Variants in FAF1 observed in about 807,000 individuals in gnomAD.
The protein encoded by FAF1 is FAS-associated factor 1.
FAF1 carries 25 observed loss-of-function variants against 92.5 expected under a neutral mutation model. The observed-to-expected ratio is 0.27, with a 90% CI of 0.20 to 0.38. The LOEUF (loss-of-function observed/expected upper bound fraction) is 0.38. Among genes scored for constraint, FAF1 ranks in the 10% least tolerant of loss-of-function variants. The pLI, the probability that FAF1 is intolerant of heterozygous loss-of-function variation, is 1.00. For missense variants in FAF1, 636 were observed against 793.3 expected (o/e 0.80, Z 2.38); for synonymous variants, 234 against 273.2 (o/e 0.86, Z 1.42).
chr1:50,876,395 T>G (rs1210870469), intron 1 of FAF1, among the ~76,000 whole-genome samples: 1 of 152,172 alleles, frequency 6.6e-6, no homozygotes, highest in Non-Finnish European at 1.5e-5. Context: ...ATTCTAGGAC[T>G]GATATTAGGA....
chr1:50,627,401 T>A (rs1310576970), intron 8 of FAF1, among the ~76,000 whole-genome samples: 1 of 152,132 alleles, frequency 6.6e-6, no homozygotes, highest in African/African-American at 2.4e-5. Flanking sequence ...GAAAGTATTT[T>A]AAATAGCCCA....
chr1:50,756,717 T>A (rs1350049653), intron 4 of FAF1, among the ~76,000 whole-genome samples: 2 of 152,178 alleles, frequency 1.3e-5, no homozygotes, highest in African/African-American at 4.8e-5. Context: ...GGCCTCACAA[T>A]CATGCTGGAA....
At chr1:50,936,527 G>A (rs529196034) in intron 1 of FAF1, among the ~76,000 whole-genome samples, 15 of 152,270 alleles carry the variant, frequency 9.9e-5, no homozygotes, top group Admixed American at 2.0e-4. Context: ...AAGCATCAAA[G>A]TATTACTACA....
intron 18 of FAF1, among the ~76,000 whole-genome samples, chr1:50,459,064 C>T (rs927388394): frequency 2.6e-5 from 4 of 151,956 alleles, no homozygotes; most frequent in Non-Finnish European, 5.9e-5. Flanking sequence ...CTCAACCTTC[C>T]AGGCTCAAGT....
chr1:50,865,325 A>G (rs1398053782), intron 1 of FAF1, among the ~76,000 whole-genome samples: 1 of 151,674 alleles, frequency 6.6e-6, no homozygotes. Flanking sequence ...TGACCCAGCC[A>G]TCCCATTACT....
At chr1:50,731,046 A>G (rs1658893982) in intron 6 of FAF1, among the ~76,000 whole-genome samples, 1 of 152,216 alleles carries the variant, frequency 6.6e-6, no homozygotes, top group African/African-American at 2.4e-5. Flanking sequence ...TCCCAGAGAT[A>G]CTGGAGAGAA....
chr1:50,887,614 G>C (rs1449911782), intron 1 of FAF1, among the ~76,000 whole-genome samples: 1 of 152,160 alleles, frequency 6.6e-6, no homozygotes, highest in African/African-American at 2.4e-5. Flanking sequence ...GGTTTTCCCA[G>C]CACCAATTAT....
At chr1:50,910,839 C>A (rs1414137667) in intron 1 of FAF1, among the ~76,000 whole-genome samples, 1 of 152,114 alleles carries the variant, frequency 6.6e-6, no homozygotes, top group East Asian at 1.9e-4. Flanking sequence ...CCGGGTGAGG[C>A]AATGCCCCGC....
Position 50,676,161 on chromosome 1 carries a change from C to T in FAF1, c.658-20633G>A, listed in dbSNP as rs61419821. On this transcript the variant is annotated intron_variant, in intron 7 of 18. Transcript: ENST00000396153. The stretch of plus-strand genomic sequence containing the variant: ...GTGGCTCATGCCTGTAATCCCAGCA[C>T]TTCGGGAGGCCGAGGCCAGCAGATC... 9.8e-3 allele frequency among the ~76,000 whole-genome samples: 1,498 copies of T among 152,294 alleles called. 23 individuals carry two copies. The highest frequency in any genetic ancestry group is 0.034 in the African/African-American group (1,420 of 41,560).
At chr1:50,722,048 A>G (rs1658431681) in intron 6 of FAF1, among the ~76,000 whole-genome samples, 1 of 152,242 alleles carries the variant, frequency 6.6e-6, no homozygotes, top group Non-Finnish European at 1.5e-5. Context: ...ATTTGGAGAT[A>G]TTAAAAAGTT....
intron 1 of FAF1, among the ~76,000 whole-genome samples, chr1:50,888,070 G>T (rs1644684895): frequency 6.6e-6 from 1 of 152,146 alleles, no homozygotes; most frequent in Admixed American, 6.6e-5. Context: ...GTGGTTTGTA[G>T]TTCTCCTTGA....
chr1:50,921,050 G>A (rs1644958934), intron 1 of FAF1, among the ~76,000 whole-genome samples: 1 of 152,134 alleles, frequency 6.6e-6, no homozygotes, highest in African/African-American at 2.4e-5. Context: ...ACCTCTAGAA[G>A]AAATAAGTAA....
rs869179803 is a variant in FAF1 at position 50,918,174 on chromosome 1, C to CT, written c.45+41592dup. Among the ~76,000 whole-genome samples, 281 of 130,054 alleles carry CT rather than the reference C, an allele frequency of 2.2e-3. 3 individuals are homozygous for CT. Among genetic ancestry groups the CT allele is most frequent in the African/African-American group, 3.8e-3 (137 of 36,058 alleles). The allele number at this position is 130,054 out of a possible 152,430, so 85.3% of individuals were successfully genotyped here. A position where few individuals can be genotyped will look rare whatever the true frequency, so the allele number is the denominator to read the frequency against. ...AGTACATTTCACTGAATGTAAATTT[C>CT]TTTTTTTTTTTTTTTAATTTTTTTT... On this transcript the variant is annotated intron_variant, in intron 1 of 18. Coordinates refer to ENST00000396153, the MANE Select transcript of FAF1 (RefSeq NM_007051.3).
chr1:50,700,802 A>C (rs968515216), intron 7 of FAF1, among the ~76,000 whole-genome samples: 1 of 152,100 alleles, frequency 6.6e-6, no homozygotes, highest in African/African-American at 2.4e-5. Context: ...GTAGACAAAT[A>C]CTTATATGGG....
intron 12 of FAF1, among the ~76,000 whole-genome samples, chr1:50,567,551 T>C (rs1363802775): frequency 6.6e-6 from 1 of 152,124 alleles, no homozygotes; most frequent in East Asian, 1.9e-4. Flanking sequence ...GATTTACTAT[T>C]CTTTTCATTT....
intron 2 of FAF1, among the ~76,000 whole-genome samples, chr1:50,807,643 GA>G (rs1221161326): frequency 6.6e-6 from 1 of 152,094 alleles, no homozygotes; most frequent in African/African-American, 2.4e-5. Flanking sequence ...TTAACAGCAG[GA>G]AATCAACCAA....
intron 8 of FAF1, among the ~76,000 whole-genome samples, chr1:50,602,325 C>G (rs571446491): frequency 6.6e-6 from 1 of 152,110 alleles, no homozygotes; most frequent in African/African-American, 2.4e-5. Flanking sequence ...GGAATGCTAC[C>G]GGATATTAGC....
chr1:50,945,833 A>G (rs1645168966), intron 1 of FAF1, among the ~76,000 whole-genome samples: 1 of 152,258 alleles, frequency 6.6e-6, no homozygotes, highest in Non-Finnish European at 1.5e-5. Context: ...AATCAGAGCT[A>G]TAAGAAAAGC....
At chr1:50,836,305 G>A (rs1192543584) in intron 2 of FAF1, among the ~76,000 whole-genome samples, 1 of 150,132 alleles carries the variant, frequency 6.7e-6, no homozygotes, top group Non-Finnish European at 1.5e-5. Context: ...CAAAGTGCTG[G>A]GTATAATAGC....
Sources: gnomAD v4.1 joint callset for allele counts (sites outside exome capture counted in the v4.1 genomes callset) on GRCh38, gnomAD v4.1.1 for gene constraint, MANE v1.5 for transcripts, NCBI Gene and HGNC (gene_info 2026-07-23, HGNC 2026-07-21) for gene names.